Variants in GSDMC observed in about 807,000 individuals in gnomAD.
The protein encoded by GSDMC is gasdermin-C.
Under a neutral mutation model 58.0 loss-of-function variants are expected in GSDMC, and 59 were observed. That is an observed-to-expected ratio of 1.02 (90% CI 0.82 to 1.26). The LOEUF (loss-of-function observed/expected upper bound fraction) is 1.26, where lower values mean the gene tolerates loss of function less well. GSDMC is among the 50% of genes most tolerant of loss of function. The probability of loss-of-function intolerance (pLI) is 0.00; values close to 1 mark genes in which losing one functional copy is unlikely to be tolerated. For missense variants in GSDMC, 659 were observed against 598.5 expected (o/e 1.10, Z -1.06); for synonymous variants, 241 against 220.2 (o/e 1.09, Z -0.83).
chr8:129,782,340 T>C lies in GSDMC; in HGVS notation c.-5+3671A>G, dbSNP rs185851870. ...AAGAGCAGCCCAAACCCAAAATTAG[T>C]AGAAAATAATAAACAATAATGATCA... On this transcript the variant is annotated intron_variant, in intron 1 of 13. Transcript: ENST00000276708. 3.8e-4 allele frequency among the ~76,000 whole-genome samples: 58 copies of C among 151,980 alleles called. No homozygotes were observed. The South Asian group carries it at 8.1e-3, about 21-fold the overall frequency.
chr8:129,741,045 T>C, the GSDMC span, among the ~76,000 whole-genome samples: 1 of 152,088 alleles, frequency 6.6e-6, no homozygotes, highest in African/African-American at 2.4e-5. Flanking sequence ...AAGGTCCAAT[T>C]TTATTCTTCT....
chr8:129,730,861 C>G, the GSDMC span, among the ~76,000 whole-genome samples: 6 of 152,102 alleles, frequency 3.9e-5, no homozygotes, highest in African/African-American at 4.8e-5. Context: ...TCAAAAAATC[C>G]TAAAACCATC....
intron 3 of GSDMC, among the ~76,000 whole-genome samples, chr8:129,773,423 T>C (rs12674973): frequency 0.14 from 21,508 of 152,294 alleles, 1,876 homozygotes; most frequent in East Asian, 0.31. Flanking sequence ...GCAGTCAAGT[T>C]GCTGGATACA....
chr8:129,781,588 C>CA (rs1314802121), intron 1 of GSDMC, among the ~76,000 whole-genome samples: 6 of 151,976 alleles, frequency 3.9e-5, no homozygotes, highest in Admixed American at 3.3e-4. Context: ...ATTAAAAACA[C>CA]AAAAAAATTA....
At chr8:129,725,218 G>C in the GSDMC span, among the ~76,000 whole-genome samples, 1 of 152,194 alleles carries the variant, frequency 6.6e-6, no homozygotes, top group East Asian at 1.9e-4. Context: ...TCAAATAAGT[G>C]ATGGTGAATA....
the GSDMC span, among the ~76,000 whole-genome samples, chr8:129,731,358 C>G: frequency 6.6e-6 from 1 of 152,226 alleles, no homozygotes; most frequent in Non-Finnish European, 1.5e-5. Context: ...TCAGGTCTTG[C>G]AAGCAAACAA....
At chr8:129,709,596 A>C in the GSDMC span, among the ~76,000 whole-genome samples, 1,277 of 127,408 alleles carry the variant, frequency 0.01, 10 homozygotes, top group Middle Eastern at 0.036. Flanking sequence ...TAGATGATAG[A>C]TAGATAGATA....
At chr8:129,733,544 T>G in the GSDMC span, among the ~76,000 whole-genome samples, 1 of 152,172 alleles carries the variant, frequency 6.6e-6, no homozygotes, top group Admixed American at 6.5e-5. Flanking sequence ...GGAGTGGACC[T>G]CCAGCAAACT....
the GSDMC span, among the ~76,000 whole-genome samples, chr8:129,722,096 C>T: frequency 3.9e-5 from 6 of 152,222 alleles, no homozygotes; most frequent in East Asian, 1.2e-3. Flanking sequence ...TTCTTAATTC[C>T]AATTTCATTC....
the GSDMC span, among the ~76,000 whole-genome samples, chr8:129,741,965 A>G: frequency 5.3e-3 from 757 of 143,526 alleles, 3 homozygotes; most frequent in Middle Eastern, 0.011. Flanking sequence ...GCCTTAAAAA[A>G]GAAGGATATG....
At chr8:129,718,692 A>G in the GSDMC span, among the ~76,000 whole-genome samples, 1 of 152,230 alleles carries the variant, frequency 6.6e-6, no homozygotes, top group African/African-American at 2.4e-5. Context: ...GTATATAACC[A>G]AAGGATTATA....
chr8:129,714,489 G>C, the GSDMC span, among the ~76,000 whole-genome samples: 2 of 152,196 alleles, frequency 1.3e-5, no homozygotes, highest in African/African-American at 4.8e-5. Context: ...GGAGGCAAAA[G>C]AGACTTTAAT....
chr8:129,728,796 G>A, the GSDMC span: 141,130 of 530,734 alleles, frequency 0.27, 26,050 homozygotes, highest in African/African-American at 0.66. Flanking sequence ...TGGTCCCACA[G>A]GGGCCGTTGG....
In GSDMC at chr8:129,748,655, C is replaced by G; in HGVS notation, c.1373G>C (p.Ser458Thr). 1 of 1,610,578 alleles carries G rather than the reference C, an allele frequency of 6.2e-7. No individual in the cohort carries two copies. Among genetic ancestry groups the G allele is most frequent in the Non-Finnish European group, 8.5e-7 (1 of 1,178,508 alleles). Residue 458 changes from serine (S) to threonine (T), a missense_variant, in exon 14 of 14, where the codon AGT becomes ACT. Transcript: ENST00000276708. ...GCCATAGGTGATGGCCAAACCCTCA[C>G]TCTGGAGTGGGGCGAGGAGCTCAGG... ...LKPELLAPLQ[S>T]EGLAITYGLL...
the GSDMC span, among the ~76,000 whole-genome samples, chr8:129,727,261 A>C: frequency 6.6e-6 from 1 of 152,104 alleles, no homozygotes; most frequent in Non-Finnish European, 1.5e-5. Flanking sequence ...TTTTTTCAAG[A>C]TGGTGGATTA....
chr8:129,717,688 A>G, the GSDMC span, among the ~76,000 whole-genome samples: 1 of 152,206 alleles, frequency 6.6e-6, no homozygotes, highest in Admixed American at 6.5e-5. Flanking sequence ...TTCATATGGA[A>G]CCAAAAAAGA....
chr8:129,738,808 T>A, the GSDMC span, among the ~76,000 whole-genome samples: 5 of 151,376 alleles, frequency 3.3e-5, no homozygotes, highest in African/African-American at 7.3e-5. Flanking sequence ...GTATAGTTTT[T>A]AAAAAAAAGA....
At chr8:129,759,338 G>T (rs1205514698) in intron 6 of GSDMC, among the ~76,000 whole-genome samples, 1 of 152,024 alleles carries the variant, frequency 6.6e-6, no homozygotes, top group Non-Finnish European at 1.5e-5. Flanking sequence ...ACAAGCACTG[G>T]CAACTAAAGC....
intron 3 of GSDMC, among the ~76,000 whole-genome samples, chr8:129,771,359 C>T (rs1006659768): frequency 4.6e-5 from 7 of 151,798 alleles, no homozygotes; most frequent in Admixed American, 1.3e-4. Flanking sequence ...CTAACAGCAG[C>T]GGAATACAAA....
Sources: gnomAD v4.1 joint callset for allele counts (sites outside exome capture counted in the v4.1 genomes callset) on GRCh38, gnomAD v4.1.1 for gene constraint, MANE v1.5 for transcripts, NCBI Gene and HGNC (gene_info 2026-07-23, HGNC 2026-07-21) for gene names.